The following GRID2 variants were observed in gnomAD, a reference collection of about 807,000 sequenced individuals.
The protein encoded by GRID2 is glutamate ionotropic receptor delta type subunit 2.
In GRID2, 33 loss-of-function variants were observed where a neutral mutation model predicts 114.8. The ratio of observed to expected loss-of-function variants is 0.29; its 90% CI spans 0.22 to 0.38. The LOEUF (loss-of-function observed/expected upper bound fraction) is 0.38, where lower values mean the gene tolerates loss of function less well. GRID2 is among the 10% of genes least tolerant of loss of function. The probability of loss-of-function intolerance (pLI) is 1.00; values close to 1 mark genes in which losing one functional copy is unlikely to be tolerated. For synonymous variants in GRID2, 505 were observed against 449.9 expected (o/e 1.12, Z -1.55); for missense variants, 1,184 against 1,257.7 (o/e 0.94, Z 0.89).
intron 10 of GRID2, among the ~76,000 whole-genome samples, chr4:93,435,863 G>T (rs1872383): frequency 0.68 from 103,248 of 151,952 alleles, 35,454 homozygotes; most frequent in African/African-American, 0.77. Flanking sequence ...TCTGGAGTTC[G>T]GGTAAGGATA....
At chr4:93,626,182 C>T (rs1248197661) in intron 13 of GRID2, 87 bp from the exon 14 acceptor site, 4 of 655,268 alleles carry the variant, frequency 6.1e-6, no homozygotes, top group Non-Finnish European at 1.1e-5. Context: ...TAAATATATA[C>T]CAATGTAATG....
At chr4:92,687,377 A>T (rs893703875) in intron 2 of GRID2, among the ~76,000 whole-genome samples, 2 of 152,136 alleles carry the variant, frequency 1.3e-5, no homozygotes, top group Non-Finnish European at 2.9e-5. Flanking sequence ...TGAAGATTTG[A>T]TTCCATACCA....
intron 2 of GRID2, among the ~76,000 whole-genome samples, chr4:92,988,069 C>T (rs1754622029): frequency 2.0e-5 from 3 of 152,118 alleles, no homozygotes; most frequent in Admixed American, 2.0e-4. Flanking sequence ...TTATCTATGG[C>T]TGTGTCACAC....
intron 2 of GRID2, among the ~76,000 whole-genome samples, chr4:92,693,258 C>T (rs1734265565): frequency 1.3e-5 from 2 of 151,918 alleles, no homozygotes; most frequent in African/African-American, 2.4e-5. Context: ...ATATTTCTGT[C>T]GTTCTTGATT....
intron 1 of GRID2, among the ~76,000 whole-genome samples, chr4:92,360,096 G>A (rs182405454): frequency 1.6e-4 from 25 of 152,118 alleles, no homozygotes; most frequent in African/African-American, 6.0e-4. Flanking sequence ...CAGGAAGGGA[G>A]AAAAGGAGAA....
At chr4:92,809,696 C>G (rs997820710) in intron 2 of GRID2, among the ~76,000 whole-genome samples, 1 of 151,900 alleles carries the variant, frequency 6.6e-6, no homozygotes, top group Non-Finnish European at 1.5e-5. Flanking sequence ...TAGGATAAAA[C>G]AAGATATTAT....
chr4:92,803,750 A>G (rs191420432), intron 2 of GRID2, among the ~76,000 whole-genome samples: 11 of 152,168 alleles, frequency 7.2e-5, no homozygotes, highest in Admixed American at 3.3e-4. Flanking sequence ...TGAATGCTAA[A>G]AGGTATACAG....
At chr4:92,990,804 T>C (rs1647042607) in intron 2 of GRID2, among the ~76,000 whole-genome samples, 1 of 152,102 alleles carries the variant, frequency 6.6e-6, no homozygotes. Flanking sequence ...TGGTGACTAC[T>C]GAAAATATAC....
chr4:93,431,617 A>G (rs950734564), intron 10 of GRID2, among the ~76,000 whole-genome samples: 3 of 152,136 alleles, frequency 2.0e-5, no homozygotes, highest in Non-Finnish European at 4.4e-5. Context: ...TGATGGAAAA[A>G]CTTGGATGTG....
intron 8 of GRID2, among the ~76,000 whole-genome samples, chr4:93,303,762 T>A (rs1321142341): frequency 6.6e-6 from 1 of 152,146 alleles, no homozygotes; most frequent in Non-Finnish European, 1.5e-5. Context: ...CATCCATCCA[T>A]CTAAACTTAC....
chr4:93,120,206 A>G (rs1278308288), intron 4 of GRID2, among the ~76,000 whole-genome samples: 2 of 152,180 alleles, frequency 1.3e-5, no homozygotes, highest in African/African-American at 2.4e-5. Flanking sequence ...AAGGATCTAG[A>G]ACCAGAAATA....
At chr4:93,152,380 G>A (rs1736814365) in intron 4 of GRID2, among the ~76,000 whole-genome samples, 1 of 152,106 alleles carries the variant, frequency 6.6e-6, no homozygotes, top group Admixed American at 6.6e-5. Context: ...GATAAGCAGA[G>A]GTGGTTGTTT....
intron 1 of GRID2, among the ~76,000 whole-genome samples, chr4:92,454,803 T>G (rs1721122232): frequency 6.6e-6 from 1 of 152,152 alleles, no homozygotes; most frequent in African/African-American, 2.4e-5. Flanking sequence ...ACCACTGCAC[T>G]CCAGCCTGGG....
At chr4:92,511,192 G>A (rs1337454826) in intron 1 of GRID2, among the ~76,000 whole-genome samples, 1 of 151,790 alleles carries the variant, frequency 6.6e-6, no homozygotes, top group African/African-American at 2.4e-5. Context: ...TACAATCATG[G>A]CAGAAGGTGA....
intron 1 of GRID2, among the ~76,000 whole-genome samples, chr4:92,550,787 T>C (rs138683016): frequency 1.3e-5 from 2 of 152,224 alleles, no homozygotes; most frequent in South Asian, 2.1e-4. Flanking sequence ...AAATCAAAAA[T>C]GTAATACTTG....
chr4:92,916,135 T>A (rs1355486813), intron 2 of GRID2, among the ~76,000 whole-genome samples: 1 of 152,072 alleles, frequency 6.6e-6, no homozygotes, highest in African/African-American at 2.4e-5. Flanking sequence ...TGTCGTGAAA[T>A]TTTTCCTGTG....
chr4:93,560,221 G>GGAAAA (rs1734769092), intron 13 of GRID2, among the ~76,000 whole-genome samples: 2 of 7,480 alleles, frequency 2.7e-4, no homozygotes, highest in Non-Finnish European at 5.3e-4. Context: ...AGAACTTAAA[G>GGAAAA]TAAAAAAAAA....
chr4:92,384,751 C>G (rs1729858833), intron 1 of GRID2, among the ~76,000 whole-genome samples: 1 of 137,624 alleles, frequency 7.3e-6, no homozygotes, highest in Admixed American at 8.0e-5. Flanking sequence ...ATTAGTAAAA[C>G]TTCTGATAAA....
chr4:93,387,848 A>T (rs1026275924), intron 8 of GRID2, among the ~76,000 whole-genome samples: 1 of 148,954 alleles, frequency 6.7e-6, no homozygotes, highest in Non-Finnish European at 1.5e-5. Context: ...AAAAAAAAAG[A>T]AAGAAATGAT....
Sources: gnomAD v4.1 joint callset for allele counts (sites outside exome capture counted in the v4.1 genomes callset) on GRCh38, gnomAD v4.1.1 for gene constraint, MANE v1.5 for transcripts, NCBI Gene and HGNC (gene_info 2026-07-23, HGNC 2026-07-21) for gene names.